Variants in SLC13A5 observed in about 807,000 individuals in gnomAD.
SLC13A5 encodes solute carrier family 13 member 5, also known as Na(+)/citrate cotransporter.
In SLC13A5, 25 loss-of-function variants were observed where a neutral mutation model predicts 56.5. The ratio of observed to expected loss-of-function variants is 0.44; its 90% CI spans 0.32 to 0.62. The LOEUF is 0.62. Ranked by LOEUF, SLC13A5 falls within the 20% of genes least tolerant of loss-of-function variation. SLC13A5 has a pLI of 0.04. For missense variants in SLC13A5, 649 were observed against 737.8 expected (o/e 0.88, Z 1.39); for synonymous variants, 307 against 301.5 (o/e 1.02, Z -0.19).
Position 6,703,053 on chromosome 17 carries a change from G to A in SLC13A5, c.633C>T (p.Cys211=). 6.2e-7 allele frequency: 1 copy of A among 1,614,188 alleles called. No homozygotes were observed. Among genetic ancestry groups the A allele is most frequent in the South Asian group, 1.1e-5 (1 of 91,084 alleles). ...RKRLCKAMTL[C]ICYAASIGGT... ...CCCCGATGCTGGCCGCGTAGCAGATGCACAGGGTCATGGCCTTACACAACC... is the reference window on the plus strand; with the variant it reads ...CCCCGATGCTGGCCGCGTAGCAGATACACAGGGTCATGGCCTTACACAACC... Residue 211 remains cysteine (C), a synonymous_variant, in exon 5 of 12, where the codon TGC becomes TGT. Transcript: ENST00000433363.
At chr17:6,707,435 C>T (rs988668033) in intron 1 of SLC13A5, among the ~76,000 whole-genome samples, 1 of 151,846 alleles carries the variant, frequency 6.6e-6, no homozygotes, top group Admixed American at 6.6e-5. Context: ...TCTTCTCAAA[C>T]CTTGGATTAG....
In SLC13A5 at chr17:6,692,449, A is replaced by G. The variant is rs941959476; in HGVS notation, c.1275+595T>C. Among the ~76,000 whole-genome samples the G allele has an allele frequency of 4.6e-5, 7 of 152,210 alleles. No individual in the cohort carries two copies. Among genetic ancestry groups the G allele is most frequent in the Admixed American group, 2.6e-4 (4 of 15,284 alleles). On this transcript the variant is annotated intron_variant, in intron 9 of 11. Transcript: ENST00000433363. The surrounding 1 kb of genome is among the most constrained non-coding windows in gnomAD (Gnocchi z 5.5). ...AGCAATAACTAGACCAAGTCTGTCT[A>G]TTACACTCCTGGATACTTGGGTAGG... is the stretch of plus-strand genomic sequence containing the variant.
chr17:6,701,122 AC>A lies in SLC13A5; in HGVS notation c.720del (p.Leu240PhefsTer9). ...NVVLLGQMNE[L>X]FPDSKDLVNF... ...TTCACGAGGTCCTTGCTGTCAGGAA[AC>A]AACCTACAAGAAGACACCGGCCCCC... On this transcript the variant is annotated frameshift_variant, in exon 6 of 12. Transcript: ENST00000433363. LOFTEE classifies it high-confidence loss of function. This position sits in a 1 kb window ranked among gnomAD's most constrained non-coding sequence, Gnocchi z 4.1. 6.2e-7 allele frequency: 1 copy of A among 1,613,966 alleles called. No individual in the cohort carries two copies. The highest frequency in any genetic ancestry group is 1.3e-5 in the African/African-American group (1 of 75,046).
chr17:6,706,529 A>G, intron 3 of SLC13A5, 113 bp downstream of exon 3: 1 of 1,435,372 alleles, frequency 7.0e-7, no homozygotes, highest in Non-Finnish European at 9.3e-7. Flanking sequence ...AAGTCCAGGT[A>G]AGCCCATGGC....
At position 6,692,883 on chromosome 17, in the gene SLC13A5, A is replaced by G. The variant is rs932615581; in HGVS notation, c.1275+161T>C. 8 of 635,098 alleles carry G rather than the reference A, an allele frequency of 1.3e-5. No homozygotes were observed. In the Admixed American group the frequency reaches 2.0e-4, roughly 16 times the overall value. 39.3% of individuals were successfully genotyped at this position (635,098 alleles called of 1,614,324 possible). ...CTTCCAGGCCCTGTGTGTGGTGTAG[A>G]GTTCCTAGATGACAAGACAGAGTCC... is the stretch of plus-strand genomic sequence containing the variant. On this transcript the variant is annotated intron_variant, in intron 9 of 11. Coordinates refer to ENST00000433363, the MANE Select transcript of SLC13A5 (RefSeq NM_177550.5). This position sits in a 1 kb window ranked among gnomAD's most constrained non-coding sequence, Gnocchi z 5.5.
Position 6,686,204 on chromosome 17 carries a change from T to C in SLC13A5, c.*3A>G. 6.2e-7 allele frequency: 1 copy of C among 1,614,130 alleles called. No individual in the cohort carries two copies. Among genetic ancestry groups the C allele is most frequent in the Non-Finnish European group, 8.5e-7 (1 of 1,179,998 alleles). ...GGCTGTGTGTGTGGTCTTGTGGCTC[T>C]TCCTAAGTCTCAATATGTGTCACAT... On this transcript the variant is annotated 3_prime_UTR_variant, in exon 12 of 12. Transcript: ENST00000433363.
chr17:6,687,882 C>A lies in SLC13A5; in HGVS notation c.1438-216G>T, dbSNP rs1490415954. The A allele has an allele frequency of 1.3e-4, 62 of 491,638 alleles. No homozygotes were observed. In the East Asian group the frequency reaches 2.2e-3, roughly 18 times the overall value. 30.5% of individuals were successfully genotyped at this position (491,638 alleles called of 1,614,324 possible). A position where few individuals can be genotyped will look rare whatever the true frequency, so the allele number is the denominator to read the frequency against. On this transcript the variant is annotated intron_variant, in intron 10 of 11. Coordinates refer to ENST00000433363, the MANE Select transcript of SLC13A5 (RefSeq NM_177550.5). This position sits in a 1 kb window ranked among gnomAD's most constrained non-coding sequence, Gnocchi z 5.0. ...CCACCTGCCCTAGAAGGCCTTACCCCCTCAATTCATTCGACATGTATTTCT... is the reference window on the plus strand; with the variant it reads ...CCACCTGCCCTAGAAGGCCTTACCCACTCAATTCATTCGACATGTATTTCT...
rs370342342 is a variant in SLC13A5 at position 6,700,959 on chromosome 17, G to GAGGCATAATT, written c.839+35_839+44dup. On this transcript the variant is annotated intron_variant, in intron 6 of 11. Coordinates refer to ENST00000433363, the MANE Select transcript of SLC13A5 (RefSeq NM_177550.5). ...AGTCTGAGGGCTCTTCTGCAGCTTT[G>GAGGCATAATT]AGGCATAATTAGGCATAATTAGGCT... is the stretch of plus-strand genomic sequence containing the variant. 63 of 1,611,094 alleles carry GAGGCATAATT rather than the reference G, an allele frequency of 3.9e-5. 1 individual carries two copies. In the African/African-American group the frequency reaches 5.3e-4, roughly 14 times the overall value.
At chr17:6,686,750 G>A in intron 11 of SLC13A5, 1 of 185,598 alleles carries the variant, frequency 5.4e-6, no homozygotes. Context: ...TGCCTGCTCT[G>A]CAAGCTTCCC....
At chr17:6,686,984 G>A (rs1973269003) in intron 11 of SLC13A5, 1 of 160,194 alleles carries the variant, frequency 6.2e-6, no homozygotes. Flanking sequence ...CCAGCCCAGA[G>A]CTGCAAAGCT....
chr17:6,691,066 C>T, intron 9 of SLC13A5, 126 bp from the exon 10 acceptor site: 3 of 999,898 alleles, frequency 3.0e-6, no homozygotes, highest in Non-Finnish European at 4.3e-6. Flanking sequence ...TGACCTCATC[C>T]ATTCCCACCA....
Position 6,692,839 on chromosome 17 carries a change from C to G in SLC13A5, c.1275+205G>C. On this transcript the variant is annotated intron_variant, in intron 9 of 11. Coordinates refer to ENST00000433363, the MANE Select transcript of SLC13A5 (RefSeq NM_177550.5). The surrounding 1 kb of genome is among the most constrained non-coding windows in gnomAD (Gnocchi z 5.5). ...ACTCATTCACTCATTCCTGCAATCG[C>G]TCAAAGGTTACTTTCTGTCTTCCAG... 1.7e-6 allele frequency: 1 copy of G among 582,422 alleles called. No homozygotes were observed. Among genetic ancestry groups the G allele is most frequent in the South Asian group, 2.0e-5 (1 of 49,922 alleles). The allele number at this position is 582,422 out of a possible 1,614,324, so 36.1% of individuals were successfully genotyped here. A position where few individuals can be genotyped will look rare whatever the true frequency, so the allele number is the denominator to read the frequency against.
intron 1 of SLC13A5, among the ~76,000 whole-genome samples, chr17:6,712,411 C>T (rs993668126): frequency 6.6e-6 from 1 of 152,228 alleles, no homozygotes; most frequent in Non-Finnish European, 1.5e-5. Flanking sequence ...CCCAGTGGAG[C>T]CTGCGCCCAC....
In SLC13A5 at chr17:6,692,479, T is replaced by C. The variant is rs781183979; in HGVS notation, c.1275+565A>G. ...ACTCCTGGATACTTGGGTAGGTAGA[T>C]GGTTGGTTGGAGGACAGCAGCAGCA... On this transcript the variant is annotated intron_variant, in intron 9 of 11. Coordinates refer to ENST00000433363, the MANE Select transcript of SLC13A5 (RefSeq NM_177550.5). This position sits in a 1 kb window ranked among gnomAD's most constrained non-coding sequence, Gnocchi z 5.5. Among the ~76,000 whole-genome samples the C allele has an allele frequency of 1.3e-5, 2 of 152,208 alleles. No individual in the cohort carries two copies. The highest frequency in any genetic ancestry group is 4.8e-5 in the African/African-American group (2 of 41,450).
In SLC13A5 at chr17:6,701,997, C is replaced by G. The variant is rs1293050719; in HGVS notation, c.717-871G>C. Among the ~76,000 whole-genome samples the G allele has an allele frequency of 6.6e-6, 1 of 152,160 alleles. No individual in the cohort carries two copies. The highest frequency in any genetic ancestry group is 1.9e-4 in the East Asian group (1 of 5,182). ...CAGAGCTTTCCCCACTCAGCCCAGA[C>G]GGGCTGCTCTTCCCAAAGAAAGTTA... On this transcript the variant is annotated intron_variant, in intron 5 of 11. Transcript: ENST00000433363. This position sits in a 1 kb window ranked among gnomAD's most constrained non-coding sequence, Gnocchi z 4.1.
intron 5 of SLC13A5, among the ~76,000 whole-genome samples, chr17:6,702,552 G>T (rs1973741898): frequency 1.3e-5 from 2 of 152,190 alleles, no homozygotes; most frequent in South Asian, 4.1e-4. Context: ...AGGGAGTGCT[G>T]GGGAGTCTTT....
intron 3 of SLC13A5, among the ~76,000 whole-genome samples, chr17:6,705,872 G>A (rs911825819): frequency 1.3e-5 from 2 of 152,236 alleles, no homozygotes; most frequent in Admixed American, 1.3e-4. Context: ...CCTTATCAGA[G>A]AAGCTGGGTC....
intron 8 of SLC13A5, 77 bp downstream of exon 8, chr17:6,694,019 GC>G (rs1973488750): frequency 1.2e-5 from 11 of 909,678 alleles, no homozygotes; most frequent in Non-Finnish European, 1.5e-5. Context: ...TCCCTCTAGG[GC>G]CCAAGGCATC....
intron 11 of SLC13A5, 130 bp from the exon 12 acceptor site, chr17:6,686,468 G>C (rs764177623): frequency 8.9e-5 from 102 of 1,150,072 alleles, no homozygotes; most frequent in Non-Finnish European, 1.2e-4. Context: ...GGGGTGTCCC[G>C]ACCCCCAGGA....
Sources: allele counts gnomAD v4.1 joint callset (sites outside exome capture counted in the v4.1 genomes callset), GRCh38; gene constraint gnomAD v4.1.1; non-coding constraint Gnocchi (gnomAD v3.1); transcripts MANE v1.5; gene names NCBI Gene and HGNC (gene_info 2026-07-23, HGNC 2026-07-21).